The following GRID2 variants were observed in gnomAD, a reference collection of about 807,000 sequenced individuals.
GRID2 encodes glutamate receptor ionotropic, delta-2.
Under a neutral mutation model 114.8 loss-of-function variants are expected in GRID2, and 33 were observed. That is an observed-to-expected ratio of 0.29 (90% CI 0.22 to 0.38). The LOEUF is 0.38. Among genes scored for constraint, GRID2 ranks in the 10% least tolerant of loss-of-function variants. The pLI, the probability that GRID2 is intolerant of heterozygous loss-of-function variation, is 1.00. For synonymous variants in GRID2, 505 were observed against 449.9 expected, an observed-to-expected ratio of 1.12 and a Z score of -1.55; for missense variants, 1,184 against 1,257.7, an observed-to-expected ratio of 0.94 and a Z score of 0.89.
intron 13 of GRID2, among the ~76,000 whole-genome samples, chr4:93,550,032 G>GAC (rs1228695148): frequency 1.3e-5 from 2 of 152,102 alleles, no homozygotes; most frequent in Non-Finnish European, 2.9e-5. Context: ...ATGAGGAAAT[G>GAC]ACTAACCTGG....
At chr4:93,492,246 T>G (rs1216456084) in intron 12 of GRID2, among the ~76,000 whole-genome samples, 3 of 151,884 alleles carry the variant, frequency 2.0e-5, no homozygotes, top group African/African-American at 7.2e-5. Context: ...AAAGCCAGAT[T>G]TTGTGATGCA....
intron 1 of GRID2, among the ~76,000 whole-genome samples, chr4:92,487,313 A>G (rs1722944002): frequency 6.6e-6 from 1 of 152,006 alleles, no homozygotes; most frequent in Non-Finnish European, 1.5e-5. Context: ...AACATTTAAT[A>G]TGATACATTT....
chr4:93,582,375 C>T (rs755494859), intron 13 of GRID2, among the ~76,000 whole-genome samples: 3 of 152,244 alleles, frequency 2.0e-5, no homozygotes, highest in Middle Eastern at 3.4e-3. Context: ...TCTGAAAATT[C>T]TCACCCTAAT....
chr4:92,938,714 C>G (rs915766168), intron 2 of GRID2, among the ~76,000 whole-genome samples: 4 of 144,368 alleles, frequency 2.8e-5, no homozygotes, highest in Admixed American at 7.7e-5. Context: ...TCCCTCCCCC[C>G]AGCCCCCACC....
intron 2 of GRID2, among the ~76,000 whole-genome samples, chr4:92,799,181 G>C (rs182157899): frequency 3.6e-4 from 54 of 152,076 alleles, no homozygotes; most frequent in African/African-American, 1.3e-3. Context: ...GGCTGTGATG[G>C]GAGACAGTGA....
intron 1 of GRID2, among the ~76,000 whole-genome samples, chr4:92,547,634 T>G (rs1042759036): frequency 1.3e-5 from 2 of 152,084 alleles, no homozygotes; most frequent in Admixed American, 1.3e-4. Context: ...CTTATATTGT[T>G]ATTTGGGGTA....
intron 8 of GRID2, among the ~76,000 whole-genome samples, chr4:93,335,616 T>G (rs1758979156): frequency 6.6e-6 from 1 of 152,158 alleles, no homozygotes; most frequent in Admixed American, 6.5e-5. Context: ...AATTTGAATA[T>G]TTCAAATTTT....
At chr4:93,591,190 G>C (rs1317239377) in intron 13 of GRID2, among the ~76,000 whole-genome samples, 8 of 149,896 alleles carry the variant, frequency 5.3e-5, no homozygotes, top group Non-Finnish European at 1.2e-4. Flanking sequence ...TTGGCTGTGG[G>C]TTTGTCATAG....
intron 13 of GRID2, among the ~76,000 whole-genome samples, chr4:93,588,875 A>G (rs1737818132): frequency 6.6e-6 from 1 of 152,090 alleles, no homozygotes; most frequent in Non-Finnish European, 1.5e-5. Context: ...TTCCAGCTAT[A>G]CAACAAGCAG....
chr4:93,705,696 C>CT (rs1187534055), intron 14 of GRID2, among the ~76,000 whole-genome samples: 2 of 152,004 alleles, frequency 1.3e-5, no homozygotes, highest in African/African-American at 4.8e-5. Context: ...GATGCAATCC[C>CT]TTTTGTTCAT....
At chr4:93,784,990 T>G (rs1047142683) in intron 1 of GRID2, among the ~76,000 whole-genome samples, 1 of 152,198 alleles carries the variant, frequency 6.6e-6, no homozygotes, top group Non-Finnish European at 1.5e-5. Flanking sequence ...GTTTTGGAAC[T>G]GAGCCTTGAA....
In GRID2 at chr4:93,164,609, C is replaced by G. The variant is rs183377230; in HGVS notation, c.736-42795C>G. ...CAGCTGTTTTTAGGCTCTATGTTGA[C>G]TTTTAATAGTATCAAACGAATGGTA... On this transcript the variant is annotated intron_variant, in intron 4 of 15. Coordinates refer to ENST00000282020, the MANE Select transcript of GRID2 (RefSeq NM_001510.4). 8.7e-5 allele frequency: 23 copies of G among 265,012 alleles called. No homozygotes were observed. The East Asian group carries it at 1.5e-3, about 17-fold the overall frequency. The allele number at this position is 265,012 out of a possible 1,614,324, so 16.4% of individuals were successfully genotyped here.
At position 92,936,664 on chromosome 4, in the gene GRID2, A is replaced by G. The variant is rs1401592852; in HGVS notation, c.245-148331A>G. On this transcript the variant is annotated intron_variant, in intron 2 of 15. Coordinates refer to ENST00000282020, the MANE Select transcript of GRID2 (RefSeq NM_001510.4). The stretch of plus-strand genomic sequence containing the variant: ...TAAGGTCTGTTCAATCAAGGTCACA[A>G]TTCTGTCTTAATTTCATAGTATTGC... Among the ~76,000 whole-genome samples, 9 of 146,324 alleles carry G rather than the reference A, an allele frequency of 6.2e-5. 1 individual carries two copies. The South Asian group carries it at 6.9e-4, about 11-fold the overall frequency.
chr4:93,778,542 A>C (rs1734418414), downstream of GRID2, among the ~76,000 whole-genome samples: 1 of 151,960 alleles, frequency 6.6e-6, no homozygotes, highest in Admixed American at 6.5e-5. Flanking sequence ...GACTACAGGC[A>C]TGTGCCACCA....
chr4:93,366,088 C>T (rs1012003095), intron 8 of GRID2, among the ~76,000 whole-genome samples: 1 of 151,902 alleles, frequency 6.6e-6, no homozygotes, highest in Non-Finnish European at 1.5e-5. Flanking sequence ...AACTGTACAG[C>T]ATGTGTGTTT....
chr4:92,558,995 C>T (rs1726994296), intron 1 of GRID2, among the ~76,000 whole-genome samples: 1 of 152,118 alleles, frequency 6.6e-6, no homozygotes, highest in African/African-American at 2.4e-5. Flanking sequence ...ATTTATTTCA[C>T]TATTAACTGT....
At chr4:92,705,926 C>G (rs1734933464) in intron 2 of GRID2, among the ~76,000 whole-genome samples, 1 of 152,136 alleles carries the variant, frequency 6.6e-6, no homozygotes, top group Admixed American at 6.5e-5. Context: ...TTCAGGAAGT[C>G]TATCAAAAAT....
chr4:92,932,833 A>G (rs1036787764), intron 2 of GRID2, among the ~76,000 whole-genome samples: 3 of 151,390 alleles, frequency 2.0e-5, no homozygotes, highest in African/African-American at 7.3e-5. Flanking sequence ...TATATATGGT[A>G]TATTCTGTAT....
At chr4:92,801,196 G>A (rs1740148678) in intron 2 of GRID2, among the ~76,000 whole-genome samples, 1 of 151,792 alleles carries the variant, frequency 6.6e-6, no homozygotes, top group Non-Finnish European at 1.5e-5. Flanking sequence ...ACACACTACG[G>A]GCTCTTCCAG....
Sources: gnomAD v4.1 joint callset for allele counts (sites outside exome capture counted in the v4.1 genomes callset) on GRCh38, gnomAD v4.1.1 for gene constraint, MANE v1.5 for transcripts, NCBI Gene and HGNC (gene_info 2026-07-23, HGNC 2026-07-21) for gene names.